MGAT4C: variants seen among roughly 807,000 people sequenced by gnomAD.
The protein encoded by MGAT4C is alpha-1,3-mannosyl-glycoprotein 4-beta-N-acetylglucosaminyltransferase C.
A neutral mutation model predicts 40.1 loss-of-function variants in MGAT4C; 19 were observed. That is an observed-to-expected ratio of 0.47 (90% CI 0.33 to 0.70). The LOEUF (loss-of-function observed/expected upper bound fraction) is 0.70. MGAT4C is among the 30% of genes least tolerant of loss of function. The probability of loss-of-function intolerance (pLI) is 0.02; values close to 1 mark genes in which losing one functional copy is unlikely to be tolerated. For missense variants in MGAT4C, 491 were observed against 563.2 expected (o/e 0.87, Z 1.30); for synonymous variants, 181 against 187.1 (o/e 0.97, Z 0.27).
intron 1 of MGAT4C, among the ~76,000 whole-genome samples, chr12:86,069,932 C>A (rs1280746255): frequency 1.3e-5 from 2 of 151,926 alleles, no homozygotes; most frequent in East Asian, 1.9e-4. Context: ...ATAATATATT[C>A]TCATTTATTG....
chr12:86,166,629 G>A (rs1448777307), intron 1 of MGAT4C, among the ~76,000 whole-genome samples: 2 of 152,070 alleles, frequency 1.3e-5, no homozygotes, highest in Non-Finnish European at 2.9e-5. Flanking sequence ...ATGGGATCGT[G>A]TCACCACACT....
chr12:86,471,420 A>G (rs1013219789), intron 2 of MGAT4C, among the ~76,000 whole-genome samples: 1 of 152,020 alleles, frequency 6.6e-6, no homozygotes, highest in Non-Finnish European at 1.5e-5. Flanking sequence ...TATTAACTCA[A>G]GAAAGTGTGA....
intron 2 of MGAT4C, among the ~76,000 whole-genome samples, chr12:86,582,995 C>G (rs953979570): frequency 6.6e-6 from 1 of 151,174 alleles, no homozygotes; most frequent in Non-Finnish European, 1.5e-5. Context: ...GAAAATGGCA[C>G]AAACTGGGAA....
At chr12:86,629,520 A>G (rs1962951653) in intron 2 of MGAT4C, among the ~76,000 whole-genome samples, 1 of 152,174 alleles carries the variant, frequency 6.6e-6, no homozygotes, top group African/African-American at 2.4e-5. Context: ...TCTCCTCAGA[A>G]AATGAAAAAG....
chr12:86,713,617 A>G (rs1041393118), intron 2 of MGAT4C, among the ~76,000 whole-genome samples: 1 of 152,120 alleles, frequency 6.6e-6, no homozygotes, highest in African/African-American at 2.4e-5. Flanking sequence ...AATAGTTATG[A>G]ATGCAAAAAC....
chr12:86,264,743 T>C (rs1952743725), intron 4 of MGAT4C, among the ~76,000 whole-genome samples: 1 of 152,132 alleles, frequency 6.6e-6, no homozygotes, highest in African/African-American at 2.4e-5. Context: ...AAGCAGCCCC[T>C]TGCCCCAGCA....
intron 2 of MGAT4C, among the ~76,000 whole-genome samples, chr12:86,650,780 C>A (rs1347894265): frequency 6.6e-6 from 1 of 151,846 alleles, no homozygotes; most frequent in Non-Finnish European, 1.5e-5. Context: ...CTTTAAACCC[C>A]TCATGTATCA....
intron 2 of MGAT4C, among the ~76,000 whole-genome samples, chr12:86,034,468 A>G (rs1388081443): frequency 6.7e-6 from 1 of 149,194 alleles, no homozygotes; most frequent in African/African-American, 2.4e-5. Context: ...TTCTGGTTCA[A>G]TTTGGGAGGT....
At chr12:86,785,044 A>G (rs998157616) in intron 1 of MGAT4C, among the ~76,000 whole-genome samples, 1 of 152,004 alleles carries the variant, frequency 6.6e-6, no homozygotes, top group Non-Finnish European at 1.5e-5. Context: ...TGCTAAAAAA[A>G]TTCTTCTTTG....
intron 2 of MGAT4C, among the ~76,000 whole-genome samples, chr12:86,577,738 T>C (rs959869244): frequency 6.6e-6 from 1 of 151,882 alleles, no homozygotes; most frequent in Non-Finnish European, 1.5e-5. Context: ...TTTGCATAAA[T>C]ATTAATCAGA....
intron 2 of MGAT4C, among the ~76,000 whole-genome samples, chr12:86,554,387 A>C (rs1190640694): frequency 3.3e-5 from 5 of 152,128 alleles, no homozygotes; most frequent in Non-Finnish European, 7.4e-5. Flanking sequence ...TTTTAGGTAC[A>C]CTTGTCATTA....
chr12:86,741,868 T>G (rs116844765), intron 1 of MGAT4C, among the ~76,000 whole-genome samples: 1,536 of 151,566 alleles, frequency 0.01, 13 homozygotes, highest in East Asian at 0.04. Context: ...TAGAATTTAT[T>G]TAACTCCTCC....
chr12:86,760,393 T>G (rs1031922910), intron 1 of MGAT4C, among the ~76,000 whole-genome samples: 11 of 152,080 alleles, frequency 7.2e-5, no homozygotes, highest in African/African-American at 1.9e-4. Context: ...TTTTGTTTTT[T>G]TTTGGATAAG....
intron 2 of MGAT4C, among the ~76,000 whole-genome samples, chr12:86,436,323 A>G (rs1174222830): frequency 3.3e-5 from 5 of 151,876 alleles, no homozygotes; most frequent in Non-Finnish European, 5.9e-5. Flanking sequence ...AAAAATGACA[A>G]CTTATGACAA....
rs892992492 is a variant in MGAT4C, at chr12:86,589,196, C to T, written c.-229+138013G>A. On this transcript the variant is annotated intron_variant, in intron 2 of 7. Transcript: ENST00000548651. ...AAAAAAGAGAGAAAAATCAAATAGA[C>T]GCAATAAAAAATGATAAAGGGGATA... 4.7e-5 allele frequency among the ~76,000 whole-genome samples: 7 copies of T among 150,362 alleles called. No homozygotes were observed. In the South Asian group the frequency reaches 6.3e-4, roughly 14 times the overall value.
At chr12:85,998,698 T>C (rs1477706709) in intron 2 of MGAT4C, among the ~76,000 whole-genome samples, 2 of 152,172 alleles carry the variant, frequency 1.3e-5, no homozygotes, top group Non-Finnish European at 2.9e-5. Context: ...CAAGTTCTTC[T>C]TCTCCATCTG....
intron 2 of MGAT4C, among the ~76,000 whole-genome samples, chr12:86,690,880 T>C (rs1950159998): frequency 6.6e-6 from 1 of 152,216 alleles, no homozygotes; most frequent in Non-Finnish European, 1.5e-5. Flanking sequence ...TATTACAGTT[T>C]AGACTAATGA....
rs187164072 is a variant in MGAT4C, at chr12:86,826,227, T to C, written c.-262+12439A>G. ...GCCATTCATCGCTATCGACTTCCTG[T>C]GTTATGTGACTCCCCAGTATAGGCA... On this transcript the variant is annotated intron_variant, in intron 1 of 7. Coordinates refer to the MGAT4C transcript ENST00000548651. 4.2e-3 allele frequency among the ~76,000 whole-genome samples: 639 copies of C among 151,580 alleles called. 2 individuals carry two copies. Among genetic ancestry groups the C allele is most frequent in the Non-Finnish European group, 6.7e-3 (454 of 67,646 alleles).
intron 1 of MGAT4C, among the ~76,000 whole-genome samples, chr12:86,753,647 AC>A (rs1482082140): frequency 6.6e-6 from 1 of 152,060 alleles, no homozygotes; most frequent in Non-Finnish European, 1.5e-5. Flanking sequence ...TAAAATATAT[AC>A]ATATAAAGGA....
Sources: allele counts gnomAD v4.1 joint callset (sites outside exome capture counted in the v4.1 genomes callset), GRCh38; gene constraint gnomAD v4.1.1; transcripts MANE v1.5; gene names NCBI Gene and HGNC (gene_info 2026-07-23, HGNC 2026-07-21).